The following NEURL1B variants were observed in gnomAD, a reference collection of about 807,000 sequenced individuals.
NEURL1B encodes E3 ubiquitin-protein ligase NEURL1B.
Under a neutral mutation model 37.4 loss-of-function variants are expected in NEURL1B, and 13 were observed. The observed-to-expected ratio is 0.35, with a 90% CI of 0.23 to 0.55. The LOEUF is 0.55. NEURL1B is among the 20% of genes least tolerant of loss of function. The probability of loss-of-function intolerance (pLI) is 0.89; values close to 1 mark genes in which losing one functional copy is unlikely to be tolerated. For synonymous variants in NEURL1B, 432 were observed against 426.6 expected (o/e 1.01, Z -0.16); for missense variants, 790 against 879.2 (o/e 0.90, Z 1.28).
At chr5:172,678,253 T>C (rs1456915672) in intron 2 of NEURL1B, among the ~76,000 whole-genome samples, 5 of 152,212 alleles carry the variant, frequency 3.3e-5, no homozygotes, top group Non-Finnish European at 5.9e-5. Context: ...AGAACAACTG[T>C]AGCATTCAAC....
At chr5:172,685,555 G>A (rs1268534917) in intron 3 of NEURL1B, among the ~76,000 whole-genome samples, 1 of 152,184 alleles carries the variant, frequency 6.6e-6, no homozygotes, top group Non-Finnish European at 1.5e-5. Flanking sequence ...CTCGCAAGGG[G>A]CAAAACCCCA....
chr5:172,654,958 CTGTT>C (rs937082021), intron 1 of NEURL1B, among the ~76,000 whole-genome samples: 1 of 152,224 alleles, frequency 6.6e-6, no homozygotes, highest in South Asian at 2.1e-4. Flanking sequence ...GACTTTGTCT[CTGTT>C]TGACTCCCTC....
chr5:172,681,947 A>C (rs1208340349), intron 2 of NEURL1B, among the ~76,000 whole-genome samples: 1 of 152,244 alleles, frequency 6.6e-6, no homozygotes, highest in Non-Finnish European at 1.5e-5. Context: ...CAATATTTTA[A>C]TGACTCTTTC....
At position 172,681,372 on chromosome 5, in the gene NEURL1B, TAAATA is replaced by T. The variant is rs542844316; in HGVS notation, c.578-2042_578-2038del. On this transcript the variant is annotated intron_variant, in intron 2 of 4. Transcript: ENST00000369800. Reference sequence around the variant, plus strand: ...TCCATCACTTGATTTCCTATGCACATAAATAAAATGATACAGACAGATGTAGACAA... The same window carrying T: ...TCCATCACTTGATTTCCTATGCACATAAATGATACAGACAGATGTAGACAA... 5.7e-4 allele frequency among the ~76,000 whole-genome samples: 87 copies of T among 152,336 alleles called. 1 individual carries two copies. The East Asian group carries it at 0.016, about 27-fold the overall frequency.
In NEURL1B at chr5:172,686,186, G is replaced by T; in HGVS notation, c.1313G>T (p.Ser438Ile). 1 of 1,551,656 alleles carries T rather than the reference G, an allele frequency of 6.4e-7. No homozygotes were observed. The highest frequency in any genetic ancestry group is 1.7e-4 in the Middle Eastern group (1 of 5,992). ...TGGGCCTCAGGTACCCTGCAGTCCA[G>T]CCCTGCGACCACGACTCCATCAGGG... Reference protein sequence around the residue: ...QLRLLGTLQSSPATTTPSGSL... With the variant: ...QLRLLGTLQSIPATTTPSGSL... Residue 438 changes from serine to isoleucine, a missense_variant, in exon 4 of 5, where the codon AGC (serine) becomes ATC (isoleucine). By Grantham distance (142) the Ser-to-Ile change is moderately radical. Transcript: ENST00000369800. The surrounding 1 kb of genome is among the most constrained non-coding windows in gnomAD (Gnocchi z 7.9).
intron 1 of NEURL1B, among the ~76,000 whole-genome samples, chr5:172,660,465 A>G (rs1757875177): frequency 6.6e-6 from 1 of 151,946 alleles, no homozygotes; most frequent in South Asian, 2.1e-4. Context: ...TTTGTTTGCA[A>G]AGCAAAGGGA....
intron 2 of NEURL1B, among the ~76,000 whole-genome samples, chr5:172,682,157 C>A (rs1273391847): frequency 1.3e-5 from 2 of 152,182 alleles, no homozygotes; most frequent in Non-Finnish European, 2.9e-5. Flanking sequence ...TACTAAAGTA[C>A]GAATACCTGT....
chr5:172,672,897 A>G lies in NEURL1B; in HGVS notation c.577+2567A>G, dbSNP rs138829072. ...TCCTTATATCTCTGAGTCACCTTTAAAAAATACATATATGGAAAGAGCTTG... is the reference window on the plus strand; with the variant it reads ...TCCTTATATCTCTGAGTCACCTTTAGAAAATACATATATGGAAAGAGCTTG... On this transcript the variant is annotated intron_variant, in intron 2 of 4. Transcript: ENST00000369800. 4.2e-3 allele frequency among the ~76,000 whole-genome samples: 642 copies of G among 152,338 alleles called. 2 individuals carry two copies. Among genetic ancestry groups the G allele is most frequent in the South Asian group, 0.012 (56 of 4,824 alleles).
intron 2 of NEURL1B, among the ~76,000 whole-genome samples, chr5:172,678,595 C>A (rs112956620): frequency 1.3e-5 from 2 of 150,556 alleles, no homozygotes; most frequent in Non-Finnish European, 3.0e-5. Context: ...GTAAGTGACA[C>A]CACCCCCTTG....
At chr5:172,666,737 G>A (rs1246739142) in intron 1 of NEURL1B, among the ~76,000 whole-genome samples, 2 of 152,178 alleles carry the variant, frequency 1.3e-5, no homozygotes, top group African/African-American at 4.8e-5. Flanking sequence ...ACGGCCCAAC[G>A]CTGAGGGAGG....
In NEURL1B at chr5:172,689,692, C is replaced by T. The variant is rs954667182; in HGVS notation, c.*2767C>T. The T allele has an allele frequency of 6.6e-6, 1 of 152,228 alleles. No individual in the cohort carries two copies. The highest frequency in any genetic ancestry group is 6.5e-5 in the Admixed American group (1 of 15,292). 9.4% of individuals were successfully genotyped at this position (152,228 alleles called of 1,614,324 possible). On this transcript the variant is annotated 3_prime_UTR_variant, in exon 5 of 5. Coordinates refer to ENST00000369800, the MANE Select transcript of NEURL1B (RefSeq NM_001142651.3). Reference sequence around the variant, plus strand: ...CGGGAGTGTCTGCTGCCACATCCCACACTCCCACTGCCTGGCTCCAAGTCC... The same window carrying T: ...CGGGAGTGTCTGCTGCCACATCCCATACTCCCACTGCCTGGCTCCAAGTCC...
intron 1 of NEURL1B, among the ~76,000 whole-genome samples, chr5:172,655,967 CA>C (rs1757769035): frequency 6.6e-6 from 1 of 152,180 alleles, no homozygotes. Flanking sequence ...TAATTCTCAG[CA>C]AGGCAAGTTA....
intron 2 of NEURL1B, among the ~76,000 whole-genome samples, chr5:172,679,642 T>A (rs908270149): frequency 4.6e-5 from 7 of 152,230 alleles, no homozygotes; most frequent in African/African-American, 1.7e-4. Flanking sequence ...AGTGAGGCCA[T>A]GCAACCTTTT....
Position 172,689,492 on chromosome 5 carries a change from T to C in NEURL1B, c.*2567T>C, listed in dbSNP as rs2113347457. 1 of 152,318 alleles carries C rather than the reference T, an allele frequency of 6.6e-6. No individual in the cohort carries two copies. The highest frequency in any genetic ancestry group is 2.1e-4 in the South Asian group (1 of 4,820). The allele number at this position is 152,318 out of a possible 1,614,324, so 9.4% of individuals were successfully genotyped here. A position where few individuals can be genotyped will look rare whatever the true frequency, so the allele number is the denominator to read the frequency against. ...ACGCTGCCAATCTTAACTAAGATGC[T>C]ACAACTGTACAGTTCCTTCCAATCA... On this transcript the variant is annotated 3_prime_UTR_variant, in exon 5 of 5. Transcript: ENST00000369800.
intron 1 of NEURL1B, among the ~76,000 whole-genome samples, chr5:172,651,576 G>A (rs923851153): frequency 2.0e-5 from 3 of 152,198 alleles, no homozygotes; most frequent in African/African-American, 4.8e-5. Context: ...TAATCATGAC[G>A]CAAACTCTTC....
chr5:172,679,315 C>G (rs1293649495), intron 2 of NEURL1B, among the ~76,000 whole-genome samples: 1 of 152,246 alleles, frequency 6.6e-6, no homozygotes, highest in Non-Finnish European at 1.5e-5. Flanking sequence ...GCCCATTTTA[C>G]AGAGCCACAT....
Position 172,683,535 on chromosome 5 carries a change from A to C in NEURL1B, c.694A>C (p.Asn232His), listed in dbSNP as rs755528886. 1.3e-6 allele frequency: 2 copies of C among 1,492,532 alleles called. No homozygotes were observed. The highest frequency in any genetic ancestry group is 5.5e-5 in the East Asian group (2 of 36,234). 92.5% of individuals were successfully genotyped at this position (1,492,532 alleles called of 1,614,324 possible). Residue 232 changes from asparagine to histidine, a missense_variant, in exon 3 of 5, where the codon AAC (asparagine) becomes CAC (histidine). This residue lies in a region of NEURL1B where 460 missense variants were observed against 407.4 expected (regional missense o/e 1.13). Transcript: ENST00000369800. The surrounding 1 kb of genome is among the most constrained non-coding windows in gnomAD (Gnocchi z 5.6). ...ANFDNNELENNQVVAKLGHLA... is the reference protein window; with the variant it reads ...ANFDNNELENHQVVAKLGHLA... Reference sequence around the variant, plus strand: ...CTTCGACAACAACGAGCTCGAGAACAACCAGGTGGTGGCCAAGCTGGGCCA... The same window carrying C: ...CTTCGACAACAACGAGCTCGAGAACCACCAGGTGGTGGCCAAGCTGGGCCA...
chr5:172,646,721 C>T (rs974067047), intron 1 of NEURL1B, among the ~76,000 whole-genome samples: 3 of 152,072 alleles, frequency 2.0e-5, no homozygotes, highest in Non-Finnish European at 2.9e-5. Context: ...TTGTGAGAGC[C>T]CAGAAGATGC....
chr5:172,670,893 C>CTG (rs1758118809), intron 2 of NEURL1B, among the ~76,000 whole-genome samples: 1 of 152,160 alleles, frequency 6.6e-6, no homozygotes, highest in Non-Finnish European at 1.5e-5. Flanking sequence ...GTGGCGAACC[C>CTG]CGGCCCACAT....
Sources: allele counts gnomAD v4.1 joint callset (sites outside exome capture counted in the v4.1 genomes callset), GRCh38; gene constraint gnomAD v4.1.1; regional missense constraint gnomAD v4.1.1; non-coding constraint Gnocchi (gnomAD v3.1); transcripts MANE v1.5; gene names NCBI Gene and HGNC (gene_info 2026-07-23, HGNC 2026-07-21).